Variants in WDR17 observed in about 807,000 individuals in gnomAD.
WDR17 encodes the protein WD repeat-containing protein 17.
In WDR17, 143 loss-of-function variants were observed where a neutral mutation model predicts 161.7. The ratio of observed to expected loss-of-function variants is 0.88; its 90% confidence interval spans 0.77 to 1.02. WDR17 has a LOEUF of 1.02. WDR17 is among the 50% of genes least tolerant of loss of function. The pLI is 0.00. For synonymous variants in WDR17, 517 were observed against 515.6 expected (o/e 1.00, Z -0.04); for missense variants, 1,469 against 1,520.9 (o/e 0.97, Z 0.57).
chr4:176,163,873 C>T (rs973962017), intron 22 of WDR17, among the ~76,000 whole-genome samples: 1 of 152,096 alleles, frequency 6.6e-6, no homozygotes, highest in Non-Finnish European at 1.5e-5. Flanking sequence ...TATGGAGGCT[C>T]TATTAGGAAA....
intron 1 of WDR17, among the ~76,000 whole-genome samples, chr4:176,083,198 C>G (rs1734982256): frequency 6.6e-6 from 1 of 151,866 alleles, no homozygotes; most frequent in African/African-American, 2.4e-5. Flanking sequence ...TAGACTAGAA[C>G]AATTAGGGAT....
At chr4:176,103,497 G>A (rs1738155043) in intron 1 of WDR17, among the ~76,000 whole-genome samples, 3 of 151,920 alleles carry the variant, frequency 2.0e-5, no homozygotes, top group Admixed American at 2.0e-4. Flanking sequence ...ACTAGACAAA[G>A]ACTTTAAAAC....
chr4:176,101,096 A>G (rs933995098), intron 1 of WDR17, among the ~76,000 whole-genome samples: 1 of 152,106 alleles, frequency 6.6e-6, no homozygotes, highest in Non-Finnish European at 1.5e-5. Flanking sequence ...TATGAATTTT[A>G]GGATCGTGGC....
intron 28 of WDR17, among the ~76,000 whole-genome samples, chr4:176,177,899 G>A (rs1751680348): frequency 7.1e-6 from 1 of 141,440 alleles, no homozygotes; most frequent in Non-Finnish European, 1.5e-5. Flanking sequence ...ATGTATACCT[G>A]CATGAAAGTT....
At chr4:176,074,685 C>T (rs1474565846) in intron 1 of WDR17, among the ~76,000 whole-genome samples, 1 of 151,788 alleles carries the variant, frequency 6.6e-6, no homozygotes, top group Non-Finnish European at 1.5e-5. Context: ...GAACTCCTGG[C>T]CTCAAGTGAT....
chr4:176,088,306 G>A (rs991665774), intron 1 of WDR17, among the ~76,000 whole-genome samples: 3 of 152,106 alleles, frequency 2.0e-5, no homozygotes, highest in Non-Finnish European at 4.4e-5. Flanking sequence ...ACTCAGCCAG[G>A]AGGGTACTGT....
chr4:176,110,878 C>T (rs1485129259), intron 1 of WDR17, among the ~76,000 whole-genome samples: 7 of 152,210 alleles, frequency 4.6e-5, no homozygotes, highest in African/African-American at 1.2e-4. Flanking sequence ...TTCTGCACTA[C>T]GTTGTCTGCA....
intron 2 of WDR17, among the ~76,000 whole-genome samples, chr4:176,115,148 A>G (rs1001797740): frequency 6.6e-6 from 1 of 152,084 alleles, no homozygotes; most frequent in Non-Finnish European, 1.5e-5. Context: ...CTAAAGGGGA[A>G]GAAACTACAA....
At position 176,182,790 on chromosome 4, in the gene WDR17, TAATA is replaced by T. The variant is rs1431478448; in HGVS notation, c.*3216_*3219del. 1 of 152,174 alleles carries T rather than the reference TAATA, an allele frequency of 6.6e-6. No homozygotes were observed. Among genetic ancestry groups the T allele is most frequent in the African/African-American group, 2.4e-5 (1 of 41,454 alleles). 9.4% of individuals were successfully genotyped at this position (152,174 alleles called of 1,614,324 possible). A position where few individuals can be genotyped will look rare whatever the true frequency, so the allele number is the denominator to read the frequency against. ...TACGTATTTCAGGTCCTTGAAATTT[TAATA>T]AATATTACAGTTAAATCCTGATATG... On this transcript the variant is annotated 3_prime_UTR_variant, in exon 29 of 29. Transcript: ENST00000508596. This position sits in a 1 kb window ranked among gnomAD's most constrained non-coding sequence, Gnocchi z 4.2.
In WDR17 at chr4:176,076,085, T is replaced by C. The variant is rs1033599972; in HGVS notation, c.-7+10006T>C. Among the ~76,000 whole-genome samples the C allele has an allele frequency of 2.6e-5, 4 of 152,042 alleles. No individual in the cohort carries two copies. The East Asian group carries it at 7.7e-4, about 29-fold the overall frequency. ...GTGAAAAATGATGCCAATCTGTTTT[T>C]TTCCACTTGTACATAATATTTTTAC... is the stretch of plus-strand genomic sequence containing the variant. On this transcript the variant is annotated intron_variant, in intron 1 of 28. Coordinates refer to ENST00000508596, the MANE Select transcript of WDR17 (RefSeq NM_181265.4).
intron 21 of WDR17, 86 bp from the exon 22 acceptor site, chr4:176,163,068 C>T: frequency 6.6e-7 from 1 of 1,504,896 alleles, no homozygotes. Context: ...GTTAATACTG[C>T]TTTATCTGCT....
rs1294520469 is a variant in WDR17, at chr4:176,146,068, T to C, written c.1603T>C (p.Leu535=). The C allele has an allele frequency of 1.9e-6, 3 of 1,613,928 alleles. No individual in the cohort carries two copies. Among genetic ancestry groups the C allele is most frequent in the Non-Finnish European group, 2.5e-6 (3 of 1,179,970 alleles). ...YYVATSSDQP[L]KVFSGHTAKV... ...TGTAGCCACCAGCTCAGATCAACCATTGAAAGTATTTAGTGGGCATACAGC... is the reference window on the plus strand; with the variant it reads ...TGTAGCCACCAGCTCAGATCAACCACTGAAAGTATTTAGTGGGCATACAGC... The change falls in exon 12 of 29, where the codon TTG becomes CTG. Residue 535 remains leucine, a synonymous_variant. Coordinates refer to ENST00000508596, the MANE Select transcript of WDR17 (RefSeq NM_181265.4).
At chr4:176,120,969 A>G (rs902290986) in intron 4 of WDR17, among the ~76,000 whole-genome samples, 1 of 152,204 alleles carries the variant, frequency 6.6e-6, no homozygotes, top group Non-Finnish European at 1.5e-5. Flanking sequence ...ACATTGAAAC[A>G]TTGGGGCCAT....
At chr4:176,131,131 G>A (rs1579134637) in intron 6 of WDR17, among the ~76,000 whole-genome samples, 1 of 152,144 alleles carries the variant, frequency 6.6e-6, no homozygotes, top group South Asian at 2.1e-4. Context: ...TCACTGGCTT[G>A]GAAATTGTTG....
Position 176,150,682 on chromosome 4 carries a change from G to A in WDR17, c.2304+89G>A. ...TAAAAATGATTTTAAAAATATATAT[G>A]ATTAGATCGGTAGATTTAAATAAAT... On this transcript the variant is annotated intron_variant, in intron 16 of 28. Coordinates refer to ENST00000508596, the MANE Select transcript of WDR17 (RefSeq NM_181265.4). The A allele has an allele frequency of 3.1e-6, 4 of 1,295,240 alleles. No individual in the cohort carries two copies. In the South Asian group the frequency reaches 5.3e-5, roughly 17 times the overall value. 80.2% of individuals were successfully genotyped at this position (1,295,240 alleles called of 1,614,324 possible). A position where few individuals can be genotyped will look rare whatever the true frequency, so the allele number is the denominator to read the frequency against.
chr4:176,070,243 C>T (rs28669718), intron 1 of WDR17, among the ~76,000 whole-genome samples: 4,678 of 152,192 alleles, frequency 0.031, 199 homozygotes, highest in African/African-American at 0.096. Context: ...GCTTTTTGGG[C>T]ATAATGTCTC....
intron 1 of WDR17, among the ~76,000 whole-genome samples, chr4:176,070,680 A>AT (rs762685959): frequency 9.3e-4 from 133 of 143,764 alleles, no homozygotes; most frequent in East Asian, 4.8e-3. Flanking sequence ...CTCTTGGCTA[A>AT]TTTTTTTTTT....
intron 28 of WDR17, among the ~76,000 whole-genome samples, chr4:176,179,126 A>T (rs186071467): frequency 6.6e-6 from 1 of 152,344 alleles, no homozygotes; most frequent in Non-Finnish European, 1.5e-5. Context: ...CTAGACATAT[A>T]TGCTTTTATA....
intron 1 of WDR17, among the ~76,000 whole-genome samples, chr4:176,097,204 A>G (rs1206074884): frequency 6.6e-6 from 1 of 151,952 alleles, no homozygotes; most frequent in Non-Finnish European, 1.5e-5. Context: ...ATAATATATG[A>G]TTTCTCTTCG....
Sources: allele counts gnomAD v4.1 joint callset (sites outside exome capture counted in the v4.1 genomes callset), GRCh38; gene constraint gnomAD v4.1.1; non-coding constraint Gnocchi (gnomAD v3.1); transcripts MANE v1.5; gene names NCBI Gene and HGNC (gene_info 2026-07-23, HGNC 2026-07-21).